The following ITGAE variants were observed in gnomAD, a reference collection of about 807,000 sequenced individuals.
ITGAE encodes integrin alpha-E.
ITGAE carries 99 observed loss-of-function variants against 136.5 expected under a neutral mutation model. That is an observed-to-expected ratio of 0.73 (90% CI 0.62 to 0.86). The LOEUF is 0.86. Among genes scored for constraint, ITGAE ranks in the 40% least tolerant of loss-of-function variants. The pLI is 0.00. For synonymous variants in ITGAE, 613 were observed against 591.8 expected (o/e 1.04, Z -0.52); for missense variants, 1,447 against 1,515.3 (o/e 0.95, Z 0.75).
intron 2 of ITGAE, among the ~76,000 whole-genome samples, chr17:3,774,529 C>T (rs911508625): frequency 4.6e-5 from 7 of 152,030 alleles, no homozygotes; most frequent in Admixed American, 1.3e-4. Context: ...TTTGGGAGGC[C>T]GAAGTGGGCA....
Position 3,799,916 on chromosome 17 carries a change from G to A in ITGAE, c.34+1195C>T, listed in dbSNP as rs1251318483. On this transcript the variant is annotated intron_variant, in intron 1 of 30. Transcript: ENST00000263087. The surrounding 1 kb of genome is among the most constrained non-coding windows in gnomAD (Gnocchi z 4.1). ...GAGGCAGGTCGATCACCTGAGGGCA[G>A]GAGACCAGCCTGACCAATATGGTGA... Among the ~76,000 whole-genome samples, 2 of 152,256 alleles carry A rather than the reference G, an allele frequency of 1.3e-5. No homozygotes were observed. The highest frequency in any genetic ancestry group is 4.8e-5 in the African/African-American group (2 of 41,564).
At chr17:3,735,124 G>A (rs923307173) in intron 20 of ITGAE, among the ~76,000 whole-genome samples, 175 bp from the exon 21 acceptor site, 13 of 152,202 alleles carry the variant, frequency 8.5e-5, no homozygotes, top group African/African-American at 3.1e-4. Context: ...CTCCCGAGTA[G>A]CTGGGACTAC....
rs148638369 is a variant in ITGAE, at chr17:3,739,837, G to A, written c.2490C>T (p.Val830=). 8.9e-5 allele frequency: 144 copies of A among 1,614,044 alleles called. No individual in the cohort carries two copies. The African/African-American group carries it at 9.2e-4, about 10-fold the overall frequency. ...CGGTGGTGGCCAACTGTAATTCTGC[G>A]ACACAAAACAGCTTATTCTTGCAGG... The part of the protein sequence containing the change: ...EKACKNKLFC[V]AELQLATTVS... The change falls in exon 20 of 31, where the codon GTC becomes GTT. Residue 830 remains valine, a synonymous_variant. Coordinates refer to ENST00000263087, the MANE Select transcript of ITGAE (RefSeq NM_002208.5).
chr17:3,753,077 T>A (rs955685771), intron 14 of ITGAE, among the ~76,000 whole-genome samples: 1 of 152,028 alleles, frequency 6.6e-6, no homozygotes, highest in Non-Finnish European at 1.5e-5. Flanking sequence ...AAAAGAGATA[T>A]TAGAGATATT....
intron 16 of ITGAE, 51 bp downstream of exon 16, chr17:3,750,301 C>T (rs930576776): frequency 1.2e-6 from 2 of 1,605,380 alleles, no homozygotes; most frequent in African/African-American, 1.3e-5. Flanking sequence ...TAGAGCAGGG[C>T]AAATGGGTGA....
intron 11 of ITGAE, among the ~76,000 whole-genome samples, 159 bp downstream of exon 11, chr17:3,755,666 CAAAAT>C (rs1264798521): frequency 6.6e-6 from 1 of 152,158 alleles, no homozygotes; most frequent in Non-Finnish European, 1.5e-5. Context: ...GACTCCGTCT[CAAAAT>C]AAATAAATAA....
intron 17 of ITGAE, 92 bp downstream of exon 17, chr17:3,747,830 C>T: frequency 4.2e-6 from 1 of 237,972 alleles, no homozygotes; most frequent in Non-Finnish European, 8.5e-6. Context: ...ACCCACCCAC[C>T]CCCCGCCCCA....
At chr17:3,757,992 G>A in intron 8 of ITGAE, 133 bp from the exon 9 acceptor site, 1 of 1,061,726 alleles carries the variant, frequency 9.4e-7, no homozygotes, top group Non-Finnish European at 1.4e-6. Flanking sequence ...AGAGAAGGGG[G>A]TGATGCCCCC....
In ITGAE at chr17:3,797,980, C is replaced by T. The variant is rs182519272; in HGVS notation, c.34+3131G>A. On this transcript the variant is annotated intron_variant, in intron 1 of 30. Coordinates refer to ENST00000263087, the MANE Select transcript of ITGAE (RefSeq NM_002208.5). ...GCAGGAACTCCAAGCTCCCCCAGGC[C>T]GGCACTCAGGTCCCCACGTTCCTCA... 7.9e-5 allele frequency among the ~76,000 whole-genome samples: 12 copies of T among 152,292 alleles called. No individual in the cohort carries two copies. The East Asian group carries it at 1.9e-3, about 24-fold the overall frequency.
chr17:3,795,236 A>G (rs1245468688), intron 1 of ITGAE, among the ~76,000 whole-genome samples: 1 of 152,124 alleles, frequency 6.6e-6, no homozygotes, highest in East Asian at 1.9e-4. Context: ...TCTGTGATTC[A>G]GTTTGTCTGC....
chr17:3,763,427 T>C (rs1252847890), intron 3 of ITGAE, among the ~76,000 whole-genome samples: 2 of 152,068 alleles, frequency 1.3e-5, no homozygotes, highest in Non-Finnish European at 2.9e-5. Flanking sequence ...AGGGGGTGAA[T>C]TGCACTGAGG....
At chr17:3,776,881 T>G (rs1365177435) in intron 2 of ITGAE, among the ~76,000 whole-genome samples, 1 of 151,832 alleles carries the variant, frequency 6.6e-6, no homozygotes, top group African/African-American at 2.4e-5. Context: ...TGTTATTTTT[T>G]GTTTCCAAAT....
At position 3,728,248 on chromosome 17, in the gene ITGAE, G is replaced by C. The variant is rs1234486858; in HGVS notation, c.2913-80C>G. 5 of 1,084,900 alleles carry C rather than the reference G, an allele frequency of 4.6e-6. No individual in the cohort carries two copies. The African/African-American group carries it at 6.3e-5, about 14-fold the overall frequency. 67.2% of individuals were successfully genotyped at this position (1,084,900 alleles called of 1,614,324 possible). ...AGACAGGGTCTCACTCTGTTGCCCA[G>C]GCTAGAGCACAGTGGAACAATCATG... On this transcript the variant is annotated intron_variant, in intron 24 of 30. Transcript: ENST00000263087.
In ITGAE at chr17:3,798,467, C is replaced by T. The variant is rs1357095328; in HGVS notation, c.34+2644G>A. Among the ~76,000 whole-genome samples, 2 of 152,102 alleles carry T rather than the reference C, an allele frequency of 1.3e-5. No homozygotes were observed. The highest frequency in any genetic ancestry group is 4.8e-5 in the African/African-American group (2 of 41,404). On this transcript the variant is annotated intron_variant, in intron 1 of 30. Transcript: ENST00000263087. The surrounding 1 kb of genome is among the most constrained non-coding windows in gnomAD (Gnocchi z 4.3). ...TTCACACCCCAGGGCTTGGTCCCTC[C>T]TATCCCCCCTGCACAGAAGGCCCCT... is the stretch of plus-strand genomic sequence containing the variant.
chr17:3,769,192 C>T (rs916438195), intron 2 of ITGAE, among the ~76,000 whole-genome samples: 2 of 152,170 alleles, frequency 1.3e-5, no homozygotes, highest in African/African-American at 4.8e-5. Context: ...CCTCCTCAGT[C>T]CTCTGCCCGG....
chr17:3,728,430 G>A (rs2051267312), intron 24 of ITGAE: 3 of 383,046 alleles, frequency 7.8e-6, no homozygotes, highest in Non-Finnish European at 1.4e-5. Context: ...CTGGAGTGCA[G>A]TGGTGCGATC....
intron 2 of ITGAE, among the ~76,000 whole-genome samples, chr17:3,773,516 C>A (rs2052475103): frequency 6.7e-6 from 1 of 148,446 alleles, no homozygotes; most frequent in Non-Finnish European, 1.5e-5. Flanking sequence ...ACAAAGGATA[C>A]AGATGAGGAG....
At position 3,756,977 on chromosome 17, in the gene ITGAE, C is replaced by A. The variant is rs1368691809; in HGVS notation, c.1171+7G>T. 6.2e-7 allele frequency: 1 copy of A among 1,610,740 alleles called. No homozygotes were observed. The highest frequency in any genetic ancestry group is 8.5e-7 in the Non-Finnish European group (1 of 1,178,190). On this transcript the variant is annotated splice_region_variant and intron_variant, in intron 10 of 30. Coordinates refer to ENST00000263087, the MANE Select transcript of ITGAE (RefSeq NM_002208.5). ...TCCTGCGGTGGCCTGGGTCCCGGAG[C>A]CCTCACCTTCCATGCTGATGATGTT...
At position 3,761,936 on chromosome 17, in the gene ITGAE, G is replaced by A. The variant is rs2052181982; in HGVS notation, c.294C>T (p.Val98=). The A allele has an allele frequency of 1.9e-6, 3 of 1,613,882 alleles. No individual in the cohort carries two copies. Among genetic ancestry groups the A allele is most frequent in the South Asian group, 2.2e-5 (2 of 91,068 alleles). Residue 98 remains valine, a synonymous_variant, in exon 4 of 31, where the codon GTC becomes GTT. Transcript: ENST00000263087. ...TCACCAAAACACCGTGGTGGCTCCG[G>A]ACAACGGTCACTCCCCGGTGCCTCC... ...PKGRHRGVTV[V]RSHHGVLICI... is the part of the protein sequence containing the mutation.
Sources: gnomAD v4.1 joint callset for allele counts (sites outside exome capture counted in the v4.1 genomes callset) on GRCh38, gnomAD v4.1.1 for gene constraint, Gnocchi (gnomAD v3.1) non-coding constraint, MANE v1.5 for transcripts, NCBI Gene and HGNC (gene_info 2026-07-23, HGNC 2026-07-21) for gene names.